Variants in AOPEP observed in about 807,000 individuals in gnomAD.
AOPEP encodes aminopeptidase O (putative).
AOPEP carries 77 observed loss-of-function variants against 98.1 expected under a neutral mutation model. That is an observed-to-expected ratio of 0.78 (90% confidence interval 0.65 to 0.95). The LOEUF (loss-of-function observed/expected upper bound fraction) is 0.95. Among genes scored for constraint, AOPEP ranks in the 40% least tolerant of loss-of-function variants. AOPEP has a pLI of 0.00. For synonymous variants in AOPEP, 346 were observed against 365.3 expected, an observed-to-expected ratio of 0.95 and a Z score of 0.60; for missense variants, 1,024 against 1,024.7, an observed-to-expected ratio of 1.00 and a Z score of 0.01.
At chr9:94,858,395 A>G (rs148442758) in intron 5 of AOPEP, among the ~76,000 whole-genome samples, 3 of 152,340 alleles carry the variant, frequency 2.0e-5, no homozygotes, top group African/African-American at 7.2e-5. Context: ...AACAATGGAA[A>G]TGGATTCTGT....
At chr9:94,945,452 T>C (rs1001789928) in intron 7 of AOPEP, among the ~76,000 whole-genome samples, 2 of 152,186 alleles carry the variant, frequency 1.3e-5, no homozygotes, top group African/African-American at 4.8e-5. Context: ...TTAGATGCAC[T>C]GCATGTGAAA....
intron 14 of AOPEP, among the ~76,000 whole-genome samples, chr9:95,070,915 T>A (rs1267942250): frequency 1.3e-5 from 2 of 152,232 alleles, no homozygotes; most frequent in Non-Finnish European, 2.9e-5. Flanking sequence ...ACAGCAGATT[T>A]CCTTGTACCC....
the AOPEP span, among the ~76,000 whole-genome samples, chr9:95,131,238 A>G: frequency 6.6e-6 from 1 of 152,214 alleles, no homozygotes; most frequent in Non-Finnish European, 1.5e-5. Flanking sequence ...TTGGACACAG[A>G]GGATCCCCAG....
chr9:94,797,645 G>A (rs1847293878), intron 4 of AOPEP, among the ~76,000 whole-genome samples: 1 of 151,522 alleles, frequency 6.6e-6, no homozygotes, highest in Non-Finnish European at 1.5e-5. Flanking sequence ...ATTGTATACA[G>A]CCTAAACCTG....
intron 5 of AOPEP, among the ~76,000 whole-genome samples, chr9:94,896,840 A>G (rs1162838467): frequency 6.6e-6 from 1 of 151,980 alleles, no homozygotes; most frequent in African/African-American, 2.4e-5. Flanking sequence ...ACAGACTTTA[A>G]TAATGACATA....
chr9:94,731,043 A>G (rs1830401762), intron 1 of AOPEP, among the ~76,000 whole-genome samples: 1 of 152,198 alleles, frequency 6.6e-6, no homozygotes, highest in Non-Finnish European at 1.5e-5. Context: ...GTTAGGGAGC[A>G]GGTTGGAAAA....
At chr9:95,123,127 C>CT in the AOPEP span, among the ~76,000 whole-genome samples, 2 of 152,102 alleles carry the variant, frequency 1.3e-5, no homozygotes, top group African/African-American at 4.8e-5. Context: ...CAGAGAGACT[C>CT]TATCTCTACA....
intron 13 of AOPEP, among the ~76,000 whole-genome samples, chr9:95,060,410 TTTA>T (rs1246074467): frequency 6.6e-6 from 1 of 152,252 alleles, no homozygotes; most frequent in East Asian, 1.9e-4. Flanking sequence ...ACGATAATGT[TTTA>T]TTAAGATAAG....
At chr9:94,939,701 A>C (rs1334937485) in intron 7 of AOPEP, among the ~76,000 whole-genome samples, 1 of 152,204 alleles carries the variant, frequency 6.6e-6, no homozygotes, top group Non-Finnish European at 1.5e-5. Flanking sequence ...AAATTATTTA[A>C]AATAATGTAT....
the AOPEP span, among the ~76,000 whole-genome samples, chr9:95,114,883 G>A: frequency 6.6e-6 from 1 of 152,154 alleles, no homozygotes; most frequent in South Asian, 2.1e-4. Context: ...TTAAGCCTGG[G>A]GAAGTAAGAT....
intron 5 of AOPEP, among the ~76,000 whole-genome samples, chr9:94,813,709 T>C (rs1346866307): frequency 6.6e-6 from 1 of 152,244 alleles, no homozygotes; most frequent in Non-Finnish European, 1.5e-5. Context: ...TCTATAGCTC[T>C]TGGCCTCTGA....
chr9:94,939,249 GA>G (rs34773746), intron 7 of AOPEP, among the ~76,000 whole-genome samples: 51,273 of 123,320 alleles, frequency 0.42, 9,455 homozygotes, highest in Non-Finnish European at 0.48. Context: ...CTTCGTGTCA[GA>G]AAAAAAAAAA....
chr9:95,082,044 G>GAA (rs535177866), intron 15 of AOPEP, among the ~76,000 whole-genome samples: 1 of 152,028 alleles, frequency 6.6e-6, no homozygotes, highest in Non-Finnish European at 1.5e-5. Flanking sequence ...GGCTGTGGAG[G>GAA]AAAGGGCGCA....
chr9:94,826,749 TTGGTCA>T (rs1195556411), intron 5 of AOPEP, among the ~76,000 whole-genome samples: 8 of 152,002 alleles, frequency 5.3e-5, no homozygotes, highest in African/African-American at 1.7e-4. Context: ...AGAAGAGGTA[TTGGTCA>T]TGGTGATGGA....
chr9:94,850,475 T>A (rs1163420788), intron 5 of AOPEP, among the ~76,000 whole-genome samples: 1 of 152,168 alleles, frequency 6.6e-6, no homozygotes, highest in Non-Finnish European at 1.5e-5. Flanking sequence ...AATGTACCTT[T>A]AATCCTCATT....
intron 14 of AOPEP, among the ~76,000 whole-genome samples, chr9:95,066,953 A>G (rs2067966632): frequency 6.6e-6 from 1 of 152,144 alleles, no homozygotes; most frequent in Non-Finnish European, 1.5e-5. Context: ...CACACCAGAA[A>G]CCACACAACT....
At chr9:95,079,123 C>T (rs766528744) in intron 14 of AOPEP, among the ~76,000 whole-genome samples, 13 of 152,198 alleles carry the variant, frequency 8.5e-5, no homozygotes, top group East Asian at 1.9e-4. Context: ...TGGCTGCCTG[C>T]GAGCCCAGGG....
chr9:94,932,149 C>A lies in AOPEP; in HGVS notation c.1661+3618C>A, dbSNP rs1007962865. On this transcript the variant is annotated intron_variant, in intron 7 of 16. Coordinates refer to ENST00000375315, the MANE Select transcript of AOPEP (RefSeq NM_001193329.3). ...AGTTGCATTAAAACAAATAAAAAAA[C>A]AAACAAACAAAAAACCTGCAGGTAT... 4 of 1,000,040 alleles carry A rather than the reference C, an allele frequency of 4.0e-6. No homozygotes were observed. The African/African-American group carries it at 5.2e-5, about 13-fold the overall frequency. 61.9% of individuals were successfully genotyped at this position (1,000,040 alleles called of 1,614,324 possible). A position where few individuals can be genotyped will look rare whatever the true frequency, so the allele number is the denominator to read the frequency against.
At chr9:95,066,668 G>T (rs1332103191) in intron 14 of AOPEP, among the ~76,000 whole-genome samples, 5 of 152,062 alleles carry the variant, frequency 3.3e-5, no homozygotes, top group African/African-American at 1.2e-4. Context: ...AGATGTGAGG[G>T]CCTCTGTGTT....
Sources: gnomAD v4.1 joint callset for allele counts (sites outside exome capture counted in the v4.1 genomes callset) on GRCh38, gnomAD v4.1.1 for gene constraint, MANE v1.5 for transcripts, NCBI Gene and HGNC (gene_info 2026-07-23, HGNC 2026-07-21) for gene names.